ADAMTSL1: variants seen among roughly 807,000 people sequenced by gnomAD.
The protein encoded by ADAMTSL1 is ADAMTS like 1.
Under a neutral mutation model 201.8 loss-of-function variants are expected in ADAMTSL1, and 126 were observed. That is an observed-to-expected ratio of 0.62 (90% CI 0.54 to 0.72). The LOEUF is 0.72. Among genes scored for constraint, ADAMTSL1 ranks in the 30% least tolerant of loss-of-function variants. The probability of loss-of-function intolerance (pLI) is 0.00; values close to 1 mark genes in which losing one functional copy is unlikely to be tolerated. For synonymous variants in ADAMTSL1, 1,121 were observed against 903.4 expected (o/e 1.24, Z -4.32); for missense variants, 2,679 against 2,277.8 (o/e 1.18, Z -3.59).
chr9:18,313,911 A>G (rs1373074537), intron 2 of ADAMTSL1, among the ~76,000 whole-genome samples: 1 of 152,214 alleles, frequency 6.6e-6, no homozygotes, highest in Non-Finnish European at 1.5e-5. Context: ...AATGGGAGAA[A>G]TAATTTGCAA....
At chr9:18,744,063 G>GA (rs904481842) in intron 15 of ADAMTSL1, among the ~76,000 whole-genome samples, 23 of 152,210 alleles carry the variant, frequency 1.5e-4, no homozygotes, top group Non-Finnish European at 2.6e-4. Flanking sequence ...CTAAAATGGA[G>GA]ATGATAATGC....
chr9:18,684,681 C>T (rs924114309), intron 12 of ADAMTSL1, 35 bp from the exon 13 acceptor site: 3 of 1,603,230 alleles, frequency 1.9e-6, no homozygotes, highest in African/African-American at 2.7e-5. Flanking sequence ...TGGTTCTAAC[C>T]TCTTCTTTTG....
chr9:18,895,134 T>G (rs1829542305), intron 26 of ADAMTSL1, among the ~76,000 whole-genome samples: 1 of 152,130 alleles, frequency 6.6e-6, no homozygotes, highest in Non-Finnish European at 1.5e-5. Flanking sequence ...AAACCAGCAA[T>G]AGGTTTAGTT....
At chr9:18,533,580 A>G (rs1819572345) in intron 3 of ADAMTSL1, among the ~76,000 whole-genome samples, 1 of 152,198 alleles carries the variant, frequency 6.6e-6, no homozygotes, top group African/African-American at 2.4e-5. Context: ...AGGATGAGTG[A>G]GAGGGTTGAT....
At chr9:18,183,738 C>A (rs143937336) in intron 2 of ADAMTSL1, among the ~76,000 whole-genome samples, 161 of 152,226 alleles carry the variant, frequency 1.1e-3, no homozygotes, top group African/African-American at 3.4e-3. Context: ...TTATGTGCAA[C>A]ATTCAGTAAT....
intron 2 of ADAMTSL1, among the ~76,000 whole-genome samples, chr9:18,200,989 C>T (rs1407862440): frequency 1.3e-5 from 2 of 151,966 alleles, no homozygotes; most frequent in African/African-American, 2.4e-5. Context: ...CTAGTCTTCA[C>T]CTCTGCAAAT....
At chr9:18,146,254 T>A (rs1334905797) in intron 1 of ADAMTSL1, among the ~76,000 whole-genome samples, 2 of 152,190 alleles carry the variant, frequency 1.3e-5, no homozygotes, top group Non-Finnish European at 2.9e-5. Context: ...AGGTATTTAC[T>A]CAACCAATTT....
At chr9:18,492,737 T>A (rs1158826957) in intron 1 of ADAMTSL1, among the ~76,000 whole-genome samples, 1 of 152,192 alleles carries the variant, frequency 6.6e-6, no homozygotes, top group Non-Finnish European at 1.5e-5. Context: ...TTTAGAATCA[T>A]AGACATTTTT....
chr9:18,783,784 C>T (rs1821541622), intron 19 of ADAMTSL1, among the ~76,000 whole-genome samples: 1 of 152,066 alleles, frequency 6.6e-6, no homozygotes, highest in South Asian at 2.1e-4. Context: ...TAAAAACAAA[C>T]AAAAAATTAT....
At chr9:18,070,038 A>T (rs17774515) in intron 1 of ADAMTSL1, among the ~76,000 whole-genome samples, 9,327 of 152,288 alleles carry the variant, frequency 0.061, 375 homozygotes, top group Non-Finnish European at 0.088. Context: ...TGAGATCTAG[A>T]GTAGACCAGT....
intron 16 of ADAMTSL1, among the ~76,000 whole-genome samples, chr9:18,759,725 T>C (rs941709190): frequency 3.3e-5 from 5 of 152,192 alleles, no homozygotes; most frequent in Admixed American, 1.3e-4. Context: ...TGCCCTGATT[T>C]TGATGGATGT....
intron 2 of ADAMTSL1, among the ~76,000 whole-genome samples, chr9:18,414,434 C>T (rs182334743): frequency 1.3e-5 from 2 of 152,070 alleles, no homozygotes; most frequent in Admixed American, 6.5e-5. Context: ...ATAGTTTCCA[C>T]TTCTGGACAA....
rs189564270 is a variant in ADAMTSL1, at chr9:18,358,188, G to A, written c.208-146641G>A. Among the ~76,000 whole-genome samples the A allele has an allele frequency of 3.0e-3, 452 of 152,220 alleles. 2 individuals are homozygous for A. The highest frequency in any genetic ancestry group is 4.8e-3 in the Admixed American group (74 of 15,274). ...GAAAATTAAGTGAGAAATATATTAG[G>A]TACATAACAGTGCCTGGAATAAGGG... On this transcript the variant is annotated intron_variant, in intron 2 of 29. Transcript: ENST00000680146.
chr9:18,380,660 C>T (rs958947498), intron 2 of ADAMTSL1, among the ~76,000 whole-genome samples: 1 of 152,178 alleles, frequency 6.6e-6, no homozygotes, highest in Non-Finnish European at 1.5e-5. Flanking sequence ...AGAAAGTGCA[C>T]ATTTTCATGA....
chr9:18,244,769 G>A (rs1296750597), intron 2 of ADAMTSL1, among the ~76,000 whole-genome samples: 1 of 152,046 alleles, frequency 6.6e-6, no homozygotes, highest in African/African-American at 2.4e-5. Flanking sequence ...TGTCTTGTCT[G>A]CTTACTCCTA....
At chr9:18,832,328 A>C (rs1825039652) in intron 23 of ADAMTSL1, among the ~76,000 whole-genome samples, 1 of 152,198 alleles carries the variant, frequency 6.6e-6, no homozygotes, top group Non-Finnish European at 1.5e-5. Context: ...GGGTATGAGA[A>C]ATAAGCCAGG....
At chr9:18,735,609 C>G (rs1818454492) in intron 15 of ADAMTSL1, among the ~76,000 whole-genome samples, 1 of 152,172 alleles carries the variant, frequency 6.6e-6, no homozygotes, top group Admixed American at 6.5e-5. Flanking sequence ...GAAATGTATA[C>G]TCTGGCATTA....
intron 1 of ADAMTSL1, among the ~76,000 whole-genome samples, chr9:17,997,683 GA>G (rs974438290): frequency 1.3e-5 from 2 of 151,566 alleles, no homozygotes; most frequent in African/African-American, 2.4e-5. Flanking sequence ...TCTGCACGGG[GA>G]AAAAAAAGAA....
chr9:18,498,337 C>CTTTTTTTTTTTTTTTTTTTT (rs1462592812), intron 1 of ADAMTSL1, among the ~76,000 whole-genome samples: 1 of 144,696 alleles, frequency 6.9e-6, no homozygotes. Flanking sequence ...CCCCCCACCC[C>CTTTTTTTTTTTTTTTTTTTT]CTTTTTTTTT....
Sources: allele counts gnomAD v4.1 joint callset (sites outside exome capture counted in the v4.1 genomes callset), GRCh38; gene constraint gnomAD v4.1.1; transcripts MANE v1.5; gene names NCBI Gene and HGNC (gene_info 2026-07-23, HGNC 2026-07-21).